Variants in E2F3 observed in about 807,000 individuals in gnomAD.
E2F3 encodes E2F transcription factor 3, also known as transcription factor E2F3.
A neutral mutation model predicts 44.4 loss-of-function variants in E2F3; 11 were observed. The ratio of observed to expected loss-of-function variants is 0.25; its 90% CI spans 0.16 to 0.41. E2F3 has a LOEUF of 0.41. Among genes scored for constraint, E2F3 ranks in the 10% least tolerant of loss-of-function variants. E2F3 has a pLI of 1.00. For synonymous variants in E2F3, 249 were observed against 253.0 expected, an observed-to-expected ratio of 0.98 and a Z score of 0.15; for missense variants, 487 against 583.6, an observed-to-expected ratio of 0.83 and a Z score of 1.70.
At position 20,402,937 on chromosome 6, in the gene E2F3, C is replaced by G. The variant is rs1419878130; in HGVS notation, c.393+312C>G. Among the ~76,000 whole-genome samples the G allele has an allele frequency of 6.6e-6, 1 of 152,180 alleles. No homozygotes were observed. Among genetic ancestry groups the G allele is most frequent in the South Asian group, 2.1e-4 (1 of 4,830 alleles). On this transcript the variant is annotated intron_variant, in intron 1 of 6. Transcript: ENST00000346618. The surrounding 1 kb of genome is among the most constrained non-coding windows in gnomAD (Gnocchi z 5.6). ...TTTCCCTACCCCCACTCTCCCTTCC[C>G]CTCCAACTCGAAGCTTCCTCTTTCT...
chr6:20,489,367 G>T (rs1426497383), intron 6 of E2F3, among the ~76,000 whole-genome samples: 1 of 152,156 alleles, frequency 6.6e-6, no homozygotes, highest in Non-Finnish European at 1.5e-5. Context: ...GGAGGCTGGG[G>T]TGGCAGGATC....
chr6:20,482,117 A>G (rs1351624641), intron 3 of E2F3, among the ~76,000 whole-genome samples: 1 of 152,196 alleles, frequency 6.6e-6, no homozygotes. Context: ...ACTAATTCAG[A>G]TGGAAGATGA....
chr6:20,427,207 A>G (rs1760244844), intron 1 of E2F3, among the ~76,000 whole-genome samples: 1 of 152,224 alleles, frequency 6.6e-6, no homozygotes, highest in South Asian at 2.1e-4. Flanking sequence ...TTCTTATCAT[A>G]TAATGGGAAT....
chr6:20,474,914 G>A lies in E2F3; in HGVS notation c.394-4932G>A, dbSNP rs114108831. On this transcript the variant is annotated intron_variant, in intron 1 of 6. Transcript: ENST00000346618. ...AGGAAAAATAACAGGATAACCCAAC[G>A]GGAACCTCCCTTCTGAAAAGGGGAA... Among the ~76,000 whole-genome samples, 468 of 152,242 alleles carry A rather than the reference G, an allele frequency of 3.1e-3. 1 individual carries two copies. The highest frequency in any genetic ancestry group is 0.011 in the African/African-American group (450 of 41,536).
In E2F3 at chr6:20,440,158, A is replaced by G. The variant is rs192314020; in HGVS notation, c.393+37533A>G. The G allele has an allele frequency of 3.9e-5, 6 of 152,352 alleles. No homozygotes were observed. In the East Asian group the frequency reaches 1.2e-3, roughly 29 times the overall value. The allele number at this position is 152,352 out of a possible 1,614,324, so 9.4% of individuals were successfully genotyped here. A position where few individuals can be genotyped will look rare whatever the true frequency, so the allele number is the denominator to read the frequency against. On this transcript the variant is annotated intron_variant, in intron 1 of 6. Coordinates refer to ENST00000346618, the MANE Select transcript of E2F3 (RefSeq NM_001949.5). Reference sequence around the variant, plus strand: ...GCCATGTTGTGGAAAAGTTGGTTTCATAACATATTTTGAACTCTTATTTAA... The same window carrying G: ...GCCATGTTGTGGAAAAGTTGGTTTCGTAACATATTTTGAACTCTTATTTAA...
intron 1 of E2F3, among the ~76,000 whole-genome samples, chr6:20,413,894 A>G (rs980982896): frequency 1.3e-5 from 2 of 152,206 alleles, no homozygotes; most frequent in African/African-American, 4.8e-5. Flanking sequence ...GAAAAGAAAT[A>G]CAAGACCTTT....
rs114970151 is a variant in E2F3, at chr6:20,467,448, G to C, written c.394-12398G>C. 8.6e-3 allele frequency among the ~76,000 whole-genome samples: 1,314 copies of C among 152,252 alleles called. 24 individuals are homozygous for C. The highest frequency in any genetic ancestry group is 0.029 in the African/African-American group (1,223 of 41,526). On this transcript the variant is annotated intron_variant, in intron 1 of 6. Transcript: ENST00000346618. ...AGTGCATTTTAGTAAAGCCTCCTCA[G>C]GAAGCTGATGATACCAATCTAAAAA...
rs1182116676 is a variant in E2F3, at chr6:20,492,147, AG to A, written c.*1719del. 9.2e-6 allele frequency: 2 copies of A among 218,436 alleles called. No homozygotes were observed. Among genetic ancestry groups the A allele is most frequent in the Non-Finnish European group, 1.8e-5 (2 of 109,264 alleles). 13.5% of individuals were successfully genotyped at this position (218,436 alleles called of 1,614,324 possible). A position where few individuals can be genotyped will look rare whatever the true frequency, so the allele number is the denominator to read the frequency against. On this transcript the variant is annotated 3_prime_UTR_variant, in exon 7 of 7. Transcript: ENST00000346618. ...TTTAATTGAATTGAAAATATCCCTT[AG>A]GAAAAAAAAAAAACACACAAAAAAC... is the stretch of plus-strand genomic sequence containing the variant.
chr6:20,488,147 C>G lies in E2F3; in HGVS notation c.1034C>G (p.Pro345Arg), dbSNP rs1440869618. 5 of 1,614,072 alleles carry G rather than the reference C, an allele frequency of 3.1e-6. No individual in the cohort carries two copies. The Admixed American group carries it at 8.3e-5, about 27-fold the overall frequency. Reference sequence around the variant, plus strand: ...ATACATTTGGCAAGTACCCAAGGGCCCATTGAGGTTTACTTATGTCCAGAA... The same window carrying G: ...ATACATTTGGCAAGTACCCAAGGGCGCATTGAGGTTTACTTATGTCCAGAA... ...LQIHLASTQG[P>R]IEVYLCPEET... Residue 345 changes from proline to arginine, a missense_variant, in exon 6 of 7, where the codon CCC becomes CGC. Pro to Arg is a moderately radical substitution (Grantham distance 103). Around this residue, in one of 3 missense-constraint regions of E2F3, gnomAD observed 220 missense variants for 261.7 expected, o/e 0.84. Transcript: ENST00000346618.
intron 4 of E2F3, among the ~76,000 whole-genome samples, chr6:20,483,188 G>A (rs1014994402): frequency 1.1e-4 from 16 of 152,060 alleles, no homozygotes; most frequent in Non-Finnish European, 1.5e-5. Context: ...GTTTTTTAAA[G>A]CATTTTTTCA....
chr6:20,481,452 G>C (rs764741445), intron 3 of E2F3, 27 bp downstream of exon 3: 1 of 1,601,140 alleles, frequency 6.2e-7, no homozygotes, highest in Admixed American at 1.7e-5. Flanking sequence ...CCCATGCCCC[G>C]GCTCTGAGGG....
At chr6:20,482,600 ATATAT>A (rs1263237619) in intron 3 of E2F3, among the ~76,000 whole-genome samples, 157 bp from the exon 4 acceptor site, 99 of 102,320 alleles carry the variant, frequency 9.7e-4, no homozygotes, top group African/African-American at 3.0e-3. Context: ...GAAAAAAAAA[ATATAT>A]ATATATATAT....
chr6:20,450,295 AT>A (rs939556487), intron 1 of E2F3, among the ~76,000 whole-genome samples: 1 of 151,926 alleles, frequency 6.6e-6, no homozygotes, highest in African/African-American at 2.4e-5. Flanking sequence ...TTGTTTTTTG[AT>A]TGTTTAATAA....
At chr6:20,454,332 A>G (rs1033279207) in intron 1 of E2F3, among the ~76,000 whole-genome samples, 1 of 152,230 alleles carries the variant, frequency 6.6e-6, no homozygotes, top group African/African-American at 2.4e-5. Context: ...CCATGACCTT[A>G]GAGGTAATAT....
chr6:20,490,462 GA>G lies in E2F3; in HGVS notation c.*33del, dbSNP rs756538936. On this transcript the variant is annotated 3_prime_UTR_variant, in exon 7 of 7. Transcript: ENST00000346618. The surrounding 1 kb of genome is among the most constrained non-coding windows in gnomAD (Gnocchi z 4.3). ...TTCGTGTGAACTCTCCTTAAAAACC[GA>G]TATTTTTTTATCATGGAACCAGAAC... 6.6e-7 allele frequency: 1 copy of G among 1,517,356 alleles called. No homozygotes were observed. The highest frequency in any genetic ancestry group is 1.3e-5 in the South Asian group (1 of 74,354). The allele number at this position is 1,517,356 out of a possible 1,614,324, so 94.0% of individuals were successfully genotyped here.
intron 1 of E2F3, among the ~76,000 whole-genome samples, chr6:20,446,274 C>T (rs1327052413): frequency 6.6e-6 from 1 of 152,134 alleles, no homozygotes; most frequent in Non-Finnish European, 1.5e-5. Context: ...TTAAGTTTCT[C>T]ATCTGACTTA....
chr6:20,487,714 G>C (rs1762434537), intron 5 of E2F3, among the ~76,000 whole-genome samples: 1 of 152,058 alleles, frequency 6.6e-6, no homozygotes, highest in South Asian at 2.1e-4. Flanking sequence ...CTTTCTCTAG[G>C]GCAGGACTCA....
chr6:20,451,619 G>A (rs2127601178), intron 1 of E2F3, among the ~76,000 whole-genome samples: 1 of 152,206 alleles, frequency 6.6e-6, no homozygotes, highest in South Asian at 2.1e-4. Flanking sequence ...GGTGAGAGAG[G>A]GCATCCTTGT....
At chr6:20,483,000 A>G in intron 4 of E2F3, 80 bp downstream of exon 4, 1 of 1,593,248 alleles carries the variant, frequency 6.3e-7, no homozygotes, top group South Asian at 1.1e-5. Context: ...CTTATGCACA[A>G]GGTAGATTAT....
Sources: allele counts gnomAD v4.1 joint callset (sites outside exome capture counted in the v4.1 genomes callset), GRCh38; gene constraint gnomAD v4.1.1; regional missense constraint gnomAD v4.1.1; non-coding constraint Gnocchi (gnomAD v3.1); transcripts MANE v1.5; gene names NCBI Gene and HGNC (gene_info 2026-07-23, HGNC 2026-07-21).